Variants in CHRM3 observed in about 807,000 individuals in gnomAD.
CHRM3 encodes muscarinic acetylcholine receptor M3.
A neutral mutation model predicts 41.8 loss-of-function variants in CHRM3; 11 were observed. The observed-to-expected ratio is 0.26, with a 90% CI of 0.17 to 0.44. The LOEUF (loss-of-function observed/expected upper bound fraction) is 0.44. Ranked by LOEUF, CHRM3 falls within the 20% of genes least tolerant of loss-of-function variation. The probability of loss-of-function intolerance (pLI) is 1.00; values close to 1 mark genes in which losing one functional copy is unlikely to be tolerated. For synonymous variants in CHRM3, 297 were observed against 301.4 expected, an observed-to-expected ratio of 0.99 and a Z score of 0.15; for missense variants, 571 against 745.4, an observed-to-expected ratio of 0.77 and a Z score of 2.72.
In CHRM3 at chr1:239,915,342, A is replaced by G. The variant is rs1680587739; in HGVS notation, c.*6118A>G. On this transcript the variant is annotated 3_prime_UTR_variant, in exon 7 of 7. Coordinates refer to ENST00000676153, the MANE Select transcript of CHRM3 (RefSeq NM_001375978.1). ...AACCATGTTCATTTTTAATCTTGAA[A>G]AAGTCAATCGTCTGTAGTCTGTACT... is the stretch of plus-strand genomic sequence containing the variant. The G allele has an allele frequency of 6.0e-6, 1 of 167,090 alleles. No individual in the cohort carries two copies. The highest frequency in any genetic ancestry group is 1.5e-5 in the Non-Finnish European group (1 of 68,118). The allele number at this position is 167,090 out of a possible 1,614,324, so 10.4% of individuals were successfully genotyped here. A position where few individuals can be genotyped will look rare whatever the true frequency, so the allele number is the denominator to read the frequency against.
chr1:239,837,400 C>G (rs553337133), intron 6 of CHRM3, among the ~76,000 whole-genome samples: 1 of 152,146 alleles, frequency 6.6e-6, no homozygotes. Context: ...CCTGACATTA[C>G]CGATTACCTT....
Position 239,670,985 on chromosome 1 carries a change from T to C in CHRM3, c.-249-7201T>C, listed in dbSNP as rs562389087. 3.9e-5 allele frequency among the ~76,000 whole-genome samples: 6 copies of C among 152,354 alleles called. 1 individual carries two copies. In the Middle Eastern group the frequency reaches 0.017, roughly 432 times the overall value. On this transcript the variant is annotated intron_variant, in intron 4 of 6. Transcript: ENST00000676153. ...ATAATAAATTTTCCATTGTGTGTTT[T>C]CTAAAGTAGTTGTACCACATTACAT...
intron 2 of CHRM3, among the ~76,000 whole-genome samples, chr1:239,512,402 G>A (rs1323309304): frequency 6.6e-6 from 1 of 152,102 alleles, no homozygotes; most frequent in Non-Finnish European, 1.5e-5. Context: ...TCCTAGGAAG[G>A]TGGCTACAAG....
intron 6 of CHRM3, among the ~76,000 whole-genome samples, chr1:239,861,931 A>AT (rs1276346988): frequency 1.3e-5 from 2 of 152,058 alleles, no homozygotes; most frequent in African/African-American, 4.8e-5. Context: ...GAAAAATGAA[A>AT]TTTTCCCAAA....
At position 239,531,904 on chromosome 1, in the gene CHRM3, G is replaced by A. The variant is rs1049198740; in HGVS notation, c.-421-13737G>A. On this transcript the variant is annotated intron_variant, in intron 2 of 6. Transcript: ENST00000676153. ...TCAATCTCCTGACCTCGTGATCTCCGCGCTTGGGCCTCCCAATGTGCTGGG... is the reference window on the plus strand; with the variant it reads ...TCAATCTCCTGACCTCGTGATCTCCACGCTTGGGCCTCCCAATGTGCTGGG... Among the ~76,000 whole-genome samples, 23 of 149,186 alleles carry A rather than the reference G, an allele frequency of 1.5e-4. 1 individual carries two copies. Among genetic ancestry groups the A allele is most frequent in the Admixed American group, 4.0e-4 (6 of 14,896 alleles).
At position 239,394,122 on chromosome 1, in the gene CHRM3, T is replaced by C. The variant is rs116362309; in HGVS notation, c.-521+6895T>C. Among the ~76,000 whole-genome samples, 579 of 152,298 alleles carry C rather than the reference T, an allele frequency of 3.8e-3. 5 individuals are homozygous for C. Among genetic ancestry groups the C allele is most frequent in the African/African-American group, 0.013 (560 of 41,558 alleles). On this transcript the variant is annotated intron_variant, in intron 1 of 6. Transcript: ENST00000676153. ...ATCAATGTGAGTGTAACTAAACAAA[T>C]CTGGGTTGGAAGGGGATGTTAGATG...
Position 239,907,288 on chromosome 1 carries a change from A to G in CHRM3, c.-19-145A>G. 1 of 618,464 alleles carries G rather than the reference A, an allele frequency of 1.6e-6. No individual in the cohort carries two copies. The highest frequency in any genetic ancestry group is 2.8e-5 in the East Asian group (1 of 36,144). 38.3% of individuals were successfully genotyped at this position (618,464 alleles called of 1,614,324 possible). Reference sequence around the variant, plus strand: ...CTGCCCTAGACTCCACTTATTTAAAATAAGAGAATGAACTTGATGTTTGGC... The same window carrying G: ...CTGCCCTAGACTCCACTTATTTAAAGTAAGAGAATGAACTTGATGTTTGGC... On this transcript the variant is annotated intron_variant, in intron 6 of 6. Coordinates refer to ENST00000676153, the MANE Select transcript of CHRM3 (RefSeq NM_001375978.1). This position sits in a 1 kb window ranked among gnomAD's most constrained non-coding sequence, Gnocchi z 5.4.
intron 6 of CHRM3, among the ~76,000 whole-genome samples, chr1:239,890,034 G>A (rs1446743913): frequency 6.6e-6 from 1 of 152,206 alleles, no homozygotes. Flanking sequence ...CAAATGGAGA[G>A]TCAGGCATGG....
chr1:239,540,050 A>G (rs1294409190), intron 2 of CHRM3, among the ~76,000 whole-genome samples: 4 of 152,228 alleles, frequency 2.6e-5, no homozygotes, highest in African/African-American at 4.8e-5. Flanking sequence ...AATAGGGTTT[A>G]TGATAGAGCC....
intron 5 of CHRM3, among the ~76,000 whole-genome samples, chr1:239,774,323 A>T (rs182742064): frequency 6.6e-6 from 1 of 152,104 alleles, no homozygotes; most frequent in Non-Finnish European, 1.5e-5. Flanking sequence ...ATGTATTTTA[A>T]TAGTCGTAGT....
At chr1:239,666,233 C>T (rs1198512666) in intron 4 of CHRM3, among the ~76,000 whole-genome samples, 3 of 151,154 alleles carry the variant, frequency 2.0e-5, no homozygotes, top group African/African-American at 7.3e-5. Flanking sequence ...CTCGCTCTGT[C>T]ACCCAGGCTG....
chr1:239,714,632 C>T (rs151286644), intron 5 of CHRM3, among the ~76,000 whole-genome samples: 19 of 152,252 alleles, frequency 1.2e-4, no homozygotes, highest in African/African-American at 4.3e-4. Context: ...GAAAATGAGG[C>T]TGCAGAAGTA....
intron 5 of CHRM3, among the ~76,000 whole-genome samples, chr1:239,813,929 A>AAAAAAAC (rs1671357762): frequency 6.7e-6 from 1 of 149,770 alleles, no homozygotes; most frequent in South Asian, 2.1e-4. Context: ...AAAAAAAAAA[A>AAAAAAAC]AAAAACTCAC....
chr1:239,429,315 A>T (rs78340925), intron 1 of CHRM3, among the ~76,000 whole-genome samples: 9,942 of 152,228 alleles, frequency 0.065, 392 homozygotes, highest in African/African-American at 0.11. Context: ...GAACAAAGTG[A>T]CTTGAAATCC....
chr1:239,816,731 TC>T (rs754330401), intron 5 of CHRM3, among the ~76,000 whole-genome samples: 1,179 of 97,594 alleles, frequency 0.012, 17 homozygotes, highest in Non-Finnish European at 0.013. Flanking sequence ...TGTGCCTCAG[TC>T]TTTTTTTTTT....
intron 1 of CHRM3, among the ~76,000 whole-genome samples, chr1:239,472,676 G>T (rs1666204364): frequency 6.6e-6 from 1 of 151,166 alleles, no homozygotes. Context: ...GCTGAACAAT[G>T]AGAACACATA....
At chr1:239,768,787 TG>T (rs1667427589) in intron 5 of CHRM3, among the ~76,000 whole-genome samples, 1 of 150,460 alleles carries the variant, frequency 6.6e-6, no homozygotes, top group African/African-American at 2.5e-5. Flanking sequence ...TTTTTTGAGA[TG>T]GAGTCTCTCT....
At chr1:239,893,910 A>G (rs922237282) in intron 6 of CHRM3, among the ~76,000 whole-genome samples, 3 of 151,920 alleles carry the variant, frequency 2.0e-5, no homozygotes, top group Non-Finnish European at 4.4e-5. Context: ...AGTTTTTCCT[A>G]TTGGTGAGGT....
intron 1 of CHRM3, among the ~76,000 whole-genome samples, chr1:239,478,226 A>C (rs778041347): frequency 6.6e-6 from 1 of 152,212 alleles, no homozygotes; most frequent in Non-Finnish European, 1.5e-5. Context: ...AAAAAGCCCA[A>C]ATAGAGCTCA....
Sources: allele counts gnomAD v4.1 joint callset (sites outside exome capture counted in the v4.1 genomes callset), GRCh38; gene constraint gnomAD v4.1.1; non-coding constraint Gnocchi (gnomAD v3.1); transcripts MANE v1.5; gene names NCBI Gene and HGNC (gene_info 2026-07-23, HGNC 2026-07-21).